Variants in SYK observed in about 807,000 individuals in gnomAD.
SYK encodes tyrosine-protein kinase SYK.
In SYK, 16 loss-of-function variants were observed where a neutral mutation model predicts 77.8. That is an observed-to-expected ratio of 0.21 (90% CI 0.14 to 0.31). The LOEUF (loss-of-function observed/expected upper bound fraction) is 0.31. Among genes scored for constraint, SYK ranks in the 10% least tolerant of loss-of-function variants. The pLI is 1.00. For synonymous variants in SYK, 312 were observed against 308.7 expected, an observed-to-expected ratio of 1.01 and a Z score of -0.11; for missense variants, 529 against 814.4, an observed-to-expected ratio of 0.65 and a Z score of 4.26.
chr9:90,845,667 T>C, intron 3 of SYK, 73 bp downstream of exon 3: 2 of 1,551,262 alleles, frequency 1.3e-6, no homozygotes, highest in Non-Finnish European at 1.8e-6. Context: ...TTCAGCTTCC[T>C]TGTGACTGGC....
At chr9:90,846,542 G>A (rs905237351) in intron 3 of SYK, among the ~76,000 whole-genome samples, 3 of 152,130 alleles carry the variant, frequency 2.0e-5, no homozygotes, top group African/African-American at 4.8e-5. Context: ...GCAGTGGCAC[G>A]CACCTGTAGT....
At chr9:90,858,903 T>G (rs966845342) in intron 3 of SYK, among the ~76,000 whole-genome samples, 2 of 152,192 alleles carry the variant, frequency 1.3e-5, no homozygotes, top group Non-Finnish European at 2.9e-5. Context: ...CCAGGGCTGC[T>G]TGGTGGAGCA....
chr9:90,876,303 A>AAG (rs1554713257), intron 9 of SYK, among the ~76,000 whole-genome samples: 23 of 109,914 alleles, frequency 2.1e-4, no homozygotes, highest in Non-Finnish European at 3.7e-4. Context: ...AAAAAAAAAA[A>AAG]AAAGAAAGAA....
intron 1 of SYK, among the ~76,000 whole-genome samples, chr9:90,835,445 G>T (rs186611675): frequency 2.6e-5 from 4 of 152,324 alleles, no homozygotes; most frequent in Admixed American, 2.0e-4. Flanking sequence ...TGGACAAAAT[G>T]AGTGAGAGGT....
Position 90,877,659 on chromosome 9 carries a change from A to G in SYK, c.1270A>G (p.Met424Val). 2 of 1,614,270 alleles carry G rather than the reference A, an allele frequency of 1.2e-6. No individual in the cohort carries two copies. Among genetic ancestry groups the G allele is most frequent in the Non-Finnish European group, 1.7e-6 (2 of 1,180,040 alleles). Reference protein sequence around the residue: ...KDELLAEANVMQQLDNPYIVR... With the variant: ...KDELLAEANVVQQLDNPYIVR... ...TGAGTTATTAGCAGAAGCAAATGTC[A>G]TGCAGCAGCTGGACAACCCGTACAT... is the stretch of plus-strand genomic sequence containing the variant. Residue 424 changes from methionine to valine, a missense_variant, in exon 10 of 14, where the codon ATG (methionine) becomes GTG (valine). Physicochemically the swap from Met to Val is conservative, Grantham distance 21 (BLOSUM62 1). Around this residue, in one of 2 missense-constraint regions of SYK, gnomAD observed 208 missense variants for 381.3 expected, o/e 0.55. Coordinates refer to ENST00000375754, the MANE Select transcript of SYK (RefSeq NM_003177.7).
At chr9:90,857,211 T>C (rs1827070791) in intron 3 of SYK, among the ~76,000 whole-genome samples, 1 of 152,240 alleles carries the variant, frequency 6.6e-6, no homozygotes, top group African/African-American at 2.4e-5. Context: ...CAACAAAAAC[T>C]CTGTTCCATC....
intron 3 of SYK, among the ~76,000 whole-genome samples, chr9:90,856,491 C>T (rs1206234892): frequency 1.3e-5 from 2 of 152,086 alleles, no homozygotes; most frequent in African/African-American, 2.4e-5. Flanking sequence ...TTGAATTATT[C>T]TTCCAGCGCA....
At chr9:90,828,428 G>T (rs1203038018) in intron 1 of SYK, among the ~76,000 whole-genome samples, 1 of 151,668 alleles carries the variant, frequency 6.6e-6, no homozygotes, top group African/African-American at 2.4e-5. Context: ...CTAGCATCTT[G>T]TTGGTTGTTT....
chr9:90,855,554 A>G (rs1421248911), intron 3 of SYK, among the ~76,000 whole-genome samples: 1 of 152,166 alleles, frequency 6.6e-6, no homozygotes, highest in Non-Finnish European at 1.5e-5. Context: ...GCATAAAAAA[A>G]TGGGGTGCAA....
chr9:90,803,741 T>C (rs1461480259), intron 1 of SYK, among the ~76,000 whole-genome samples: 1 of 152,172 alleles, frequency 6.6e-6, no homozygotes, highest in Non-Finnish European at 1.5e-5. Context: ...TCAAGCTTTT[T>C]CAGAATTTGG....
intron 13 of SYK, among the ~76,000 whole-genome samples, chr9:90,889,187 A>C (rs1314432091): frequency 6.6e-6 from 1 of 152,222 alleles, no homozygotes; most frequent in Non-Finnish European, 1.5e-5. Context: ...TTTAAAGTAC[A>C]CCTGGCATTA....
intron 3 of SYK, among the ~76,000 whole-genome samples, chr9:90,857,204 C>A (rs1363275258): frequency 4.6e-5 from 7 of 152,220 alleles, no homozygotes; most frequent in Non-Finnish European, 1.0e-4. Flanking sequence ...TTTGCCACAA[C>A]AAAAACTCTG....
intron 11 of SYK, among the ~76,000 whole-genome samples, chr9:90,884,362 C>CACACATACACATACGTGT (rs1828335733): frequency 1.1e-5 from 1 of 92,990 alleles, no homozygotes; most frequent in African/African-American, 5.3e-5. Context: ...TACGTGTATA[C>CACACATACACATACGTGT]ATACATACAC....
At chr9:90,884,000 A>G (rs1828262943) in intron 11 of SYK, among the ~76,000 whole-genome samples, 1 of 152,062 alleles carries the variant, frequency 6.6e-6, no homozygotes, top group South Asian at 2.1e-4. Flanking sequence ...GTACACCTTC[A>G]CAACAGCCTC....
At chr9:90,865,759 C>G (rs1275525967) in intron 6 of SYK, among the ~76,000 whole-genome samples, 1 of 152,116 alleles carries the variant, frequency 6.6e-6, no homozygotes, top group African/African-American at 2.4e-5. Flanking sequence ...CATCCTTGAG[C>G]CGTCTATGTT....
chr9:90,817,259 T>G (rs955267265), intron 1 of SYK, among the ~76,000 whole-genome samples: 1 of 152,216 alleles, frequency 6.6e-6, no homozygotes, highest in African/African-American at 2.4e-5. Flanking sequence ...AAGACTTTTT[T>G]TATTTCTGGA....
At chr9:90,877,847 GC>G in intron 10 of SYK, 67 bp downstream of exon 10, 1 of 1,558,482 alleles carries the variant, frequency 6.4e-7, no homozygotes, top group Non-Finnish European at 8.8e-7. Flanking sequence ...CCCTGGATGG[GC>G]CGAGCAGCCT....
intron 1 of SYK, among the ~76,000 whole-genome samples, chr9:90,816,031 T>C (rs1015573236): frequency 6.6e-6 from 1 of 152,240 alleles, no homozygotes; most frequent in African/African-American, 2.4e-5. Context: ...GCAGAACCAC[T>C]GTTCTCAGCT....
rs1564121561 is a variant in SYK, at chr9:90,884,598, CAT to C, written c.1582-3150_1582-3149del. Among the ~76,000 whole-genome samples the C allele has an allele frequency of 8.7e-5, 5 of 57,520 alleles. 1 individual carries two copies. The highest frequency in any genetic ancestry group is 4.2e-4 in the African/African-American group (5 of 11,904). 37.7% of individuals were successfully genotyped at this position (57,520 alleles called of 152,430 possible). On this transcript the variant is annotated intron_variant, in intron 11 of 13. Coordinates refer to ENST00000375754, the MANE Select transcript of SYK (RefSeq NM_003177.7). ...ATACATACACATACACATATGTGTA[CAT>C]GTACATATATACACATATACACATA...
Sources: gnomAD v4.1 joint callset for allele counts (sites outside exome capture counted in the v4.1 genomes callset) on GRCh38, gnomAD v4.1.1 for gene constraint, gnomAD v4.1.1 regional missense constraint, MANE v1.5 for transcripts, NCBI Gene and HGNC (gene_info 2026-07-23, HGNC 2026-07-21) for gene names.